ABCC5: variants seen among roughly 807,000 people sequenced by gnomAD.
The protein encoded by ABCC5 is ATP-binding cassette sub-family C member 5.
In ABCC5, 61 loss-of-function variants were observed where a neutral mutation model predicts 160.9. The ratio of observed to expected loss-of-function variants is 0.38; its 90% CI spans 0.31 to 0.47. The LOEUF is 0.47. ABCC5 is among the 20% of genes least tolerant of loss of function. The pLI, the probability that ABCC5 is intolerant of heterozygous loss-of-function variation, is 0.99. For synonymous variants in ABCC5, 666 were observed against 700.6 expected, an observed-to-expected ratio of 0.95 and a Z score of 0.78; for missense variants, 1,308 against 1,813.3, an observed-to-expected ratio of 0.72 and a Z score of 5.06.
intron 5 of ABCC5, chr3:183,983,864 AC>A: frequency 1.0e-6 from 1 of 985,478 alleles, no homozygotes; most frequent in Non-Finnish European, 1.2e-6. Context: ...ATACATTGAA[AC>A]ATACAGAGTC....
intron 25 of ABCC5, among the ~76,000 whole-genome samples, chr3:183,940,344 C>CAAA (rs780123476): frequency 8.7e-4 from 106 of 121,626 alleles, no homozygotes; most frequent in African/African-American, 2.7e-3. Flanking sequence ...CTAAAAAATA[C>CAAA]AAAAAAAAAA....
intron 5 of ABCC5, chr3:183,984,078 C>G: frequency 2.0e-6 from 2 of 985,354 alleles, no homozygotes; most frequent in Non-Finnish European, 2.4e-6. Flanking sequence ...AAAGACCTTG[C>G]TGCTAAGGAA....
chr3:184,009,140 C>CA (rs1721480008), intron 2 of ABCC5, among the ~76,000 whole-genome samples: 1 of 152,210 alleles, frequency 6.6e-6, no homozygotes, highest in South Asian at 2.1e-4. Flanking sequence ...GCTGGGACTA[C>CA]AGGCGTGAGG....
chr3:183,933,516 C>T (rs1025587676), intron 26 of ABCC5, among the ~76,000 whole-genome samples: 1 of 152,020 alleles, frequency 6.6e-6, no homozygotes, highest in Non-Finnish European at 1.5e-5. Context: ...CAGAGGCCAG[C>T]AAAAGTGTTT....
intron 16 of ABCC5, among the ~76,000 whole-genome samples, chr3:183,960,762 T>C (rs1023678718): frequency 1.3e-5 from 2 of 150,278 alleles, no homozygotes; most frequent in Non-Finnish European, 2.9e-5. Context: ...AACTACTTAA[T>C]GCTCTCCTTT....
intron 17 of ABCC5, among the ~76,000 whole-genome samples, chr3:183,957,535 C>A (rs540156412): frequency 7.0e-6 from 1 of 143,528 alleles, no homozygotes; most frequent in Admixed American, 7.0e-5. Context: ...TCTGTGTGTA[C>A]ATCACATCAG....
At chr3:184,009,552 TTC>T (rs1721520587) in intron 2 of ABCC5, among the ~76,000 whole-genome samples, 1 of 152,232 alleles carries the variant, frequency 6.6e-6, no homozygotes, top group South Asian at 2.1e-4. Flanking sequence ...TGCTGGTTGC[TTC>T]TGTCAGCAAA....
chr3:183,989,686 T>C (rs1186702184), intron 2 of ABCC5, among the ~76,000 whole-genome samples: 1 of 151,868 alleles, frequency 6.6e-6, no homozygotes, highest in Non-Finnish European at 1.5e-5. Context: ...CCCGTCCTCC[T>C]CATCTGTTTT....
intron 5 of ABCC5, chr3:183,985,314 GGCGAGAGATTCT>G: frequency 6.2e-7 from 1 of 1,613,866 alleles, no homozygotes; most frequent in Non-Finnish European, 8.5e-7. Flanking sequence ...CTGAACTCTT[GGCGAGAGATTCT>G]GCCCAGCTTG....
Position 183,951,725 on chromosome 3 carries a change from A to G in ABCC5, c.2814+132T>C. 1 of 1,468,498 alleles carries G rather than the reference A, an allele frequency of 6.8e-7. No individual in the cohort carries two copies. Among genetic ancestry groups the G allele is most frequent in the Non-Finnish European group, 9.2e-7 (1 of 1,082,472 alleles). The allele number at this position is 1,468,498 out of a possible 1,614,324, so 91.0% of individuals were successfully genotyped here. A position where few individuals can be genotyped will look rare whatever the true frequency, so the allele number is the denominator to read the frequency against. ...GTGAGAAAAGGTGGAGGCTAACGGA[A>G]TATGAGTCATCTCAGCCAGGGCCAT... On this transcript the variant is annotated intron_variant, in intron 19 of 29. Coordinates refer to ENST00000334444, the MANE Select transcript of ABCC5 (RefSeq NM_005688.4). The surrounding 1 kb of genome is among the most constrained non-coding windows in gnomAD (Gnocchi z 4.7).
intron 27 of ABCC5, 61 bp downstream of exon 27, chr3:183,928,686 G>T: frequency 6.8e-7 from 1 of 1,480,890 alleles, no homozygotes; most frequent in Non-Finnish European, 9.4e-7. Flanking sequence ...GTGTGGCAAG[G>T]GCACTGCTGT....
chr3:183,981,468 A>C (rs1343502256), intron 8 of ABCC5, among the ~76,000 whole-genome samples: 2 of 152,344 alleles, frequency 1.3e-5, no homozygotes, highest in Non-Finnish European at 2.9e-5. Context: ...TCGAAACTGG[A>C]TTATTCCTAA....
At chr3:183,950,982 G>A (rs1440588359) in intron 20 of ABCC5, among the ~76,000 whole-genome samples, 6 of 152,172 alleles carry the variant, frequency 3.9e-5, no homozygotes, top group African/African-American at 1.2e-4. Context: ...AACAACACCC[G>A]CCTGACAGGC....
rs1178985163 is a variant in ABCC5 at position 183,965,203 on chromosome 3, G to T, written c.2013C>A (p.Pro671=). Residue 671 remains proline (P), a synonymous_variant, in exon 14 of 30, where the codon CCC becomes CCA. Transcript: ENST00000334444. ...CCTGTACCTCCGTCAGGTCGCTGCT[G>T]GGAAGAATGGCCAGGTCAGGCCTCA... ...CCLRPDLAIL[P]SSDLTEIGER... 5 of 1,614,072 alleles carry T rather than the reference G, an allele frequency of 3.1e-6. No individual in the cohort carries two copies. Among genetic ancestry groups the T allele is most frequent in the African/African-American group, 1.3e-5 (1 of 74,936 alleles).
chr3:183,984,136 C>G, intron 5 of ABCC5: 1 of 985,450 alleles, frequency 1.0e-6, no homozygotes, highest in Non-Finnish European at 1.2e-6. Flanking sequence ...AAGAGGTACT[C>G]TGCTCAAAAT....
At chr3:183,973,660 C>G (rs755842822) in intron 10 of ABCC5, among the ~76,000 whole-genome samples, 1 of 152,116 alleles carries the variant, frequency 6.6e-6, no homozygotes, top group South Asian at 2.1e-4. Context: ...CTATCTTCCC[C>G]GAAGTGTCAT....
At chr3:183,957,175 C>T (rs113619747) in intron 17 of ABCC5, among the ~76,000 whole-genome samples, 7,907 of 109,994 alleles carry the variant, frequency 0.072, 1,895 homozygotes, top group East Asian at 0.28. Flanking sequence ...CATGTGGGTC[C>T]GTGTGTATAT....
At chr3:183,977,180 C>T (rs933107237) in intron 10 of ABCC5, among the ~76,000 whole-genome samples, 1 of 152,214 alleles carries the variant, frequency 6.6e-6, no homozygotes, top group East Asian at 1.9e-4. Context: ...CAGTGCTGGT[C>T]TTCTAGGTTT....
chr3:183,977,390 A>G (rs1718311919), intron 10 of ABCC5, 127 bp downstream of exon 10: 4 of 586,510 alleles, frequency 6.8e-6, no homozygotes, highest in Non-Finnish European at 3.0e-6. Context: ...TTTCTTACCA[A>G]CTTGCCAAAA....
Sources: gnomAD v4.1 joint callset for allele counts (sites outside exome capture counted in the v4.1 genomes callset) on GRCh38, gnomAD v4.1.1 for gene constraint, Gnocchi (gnomAD v3.1) non-coding constraint, MANE v1.5 for transcripts, NCBI Gene and HGNC (gene_info 2026-07-23, HGNC 2026-07-21) for gene names.